SYNRG: variants seen among roughly 807,000 people sequenced by gnomAD.
SYNRG encodes AP1 gamma subunit binding protein 1.
Under a neutral mutation model 130.9 loss-of-function variants are expected in SYNRG, and 37 were observed. The observed-to-expected ratio is 0.28, with a 90% CI of 0.22 to 0.37. SYNRG has a LOEUF of 0.37. Among genes scored for constraint, SYNRG ranks in the 10% least tolerant of loss-of-function variants. The probability of loss-of-function intolerance (pLI) is 1.00; values close to 1 mark genes in which losing one functional copy is unlikely to be tolerated. For missense variants in SYNRG, 1,338 were observed against 1,588.9 expected (o/e 0.84, Z 2.68); for synonymous variants, 539 against 568.1 (o/e 0.95, Z 0.73).
intron 19 of SYNRG, among the ~76,000 whole-genome samples, chr17:37,522,151 A>ACACACACACACACACACACACG (rs2055164210): frequency 6.6e-6 from 1 of 151,780 alleles, no homozygotes; most frequent in Non-Finnish European, 1.5e-5. Flanking sequence ...ACACACACAC[A>ACACACACACACACACACACACG]CACACAATGG....
intron 11 of SYNRG, among the ~76,000 whole-genome samples, chr17:37,564,405 T>C (rs1450345047): frequency 6.6e-6 from 1 of 152,218 alleles, no homozygotes; most frequent in East Asian, 1.9e-4. Context: ...GTAATTCTCA[T>C]CATCTCACAG....
At chr17:37,552,506 A>C (rs1179392109) in intron 14 of SYNRG, among the ~76,000 whole-genome samples, 1 of 152,212 alleles carries the variant, frequency 6.6e-6, no homozygotes, top group African/African-American at 2.4e-5. Context: ...GTTAACACTG[A>C]AAACAGCTCC....
At chr17:37,607,779 A>T (rs1219789759) in intron 1 of SYNRG, among the ~76,000 whole-genome samples, 1 of 151,758 alleles carries the variant, frequency 6.6e-6, no homozygotes, top group Non-Finnish European at 1.5e-5. Context: ...ACAGAACGAG[A>T]CTCTGTCTCA....
Position 37,553,884 on chromosome 17 carries a change from G to C in SYNRG, c.1839C>G (p.Asn613Lys). The C allele has an allele frequency of 6.2e-7, 1 of 1,607,674 alleles. No individual in the cohort carries two copies. Among genetic ancestry groups the C allele is most frequent in the East Asian group, 2.2e-5 (1 of 44,878 alleles). ...KQQTQVKNPL[N>K]LADLDMFSSV... is the part of the protein sequence containing the mutation. Reference sequence around the variant, plus strand: ...AGGAAAACATATCTAGGTCTGCTAAGTTCAGAGGGTTTTTCACTTGTGTTT... The same window carrying C: ...AGGAAAACATATCTAGGTCTGCTAACTTCAGAGGGTTTTTCACTTGTGTTT... Residue 613 changes from asparagine to lysine, a missense_variant, in exon 14 of 22, where the codon AAC (asparagine) becomes AAG (lysine). By Grantham distance (94) the Asn-to-Lys change is moderately conservative (BLOSUM62 0). This residue lies in a region of SYNRG where 1,146 missense variants were observed against 1,342.3 expected (regional missense o/e 0.85). Coordinates refer to ENST00000612223, the MANE Select transcript of SYNRG (RefSeq NM_007247.6).
chr17:37,575,212 T>C (rs576139577), intron 8 of SYNRG, among the ~76,000 whole-genome samples: 6 of 152,022 alleles, frequency 3.9e-5, no homozygotes, highest in Middle Eastern at 3.4e-3. Context: ...TATAGTTGGA[T>C]AGGAGGAATA....
chr17:37,574,776 A>G (rs894052282), intron 8 of SYNRG, among the ~76,000 whole-genome samples: 27 of 152,108 alleles, frequency 1.8e-4, no homozygotes, highest in Admixed American at 5.9e-4. Context: ...GGATGTGGAG[A>G]AAAGGGAACC....
intron 14 of SYNRG, among the ~76,000 whole-genome samples, chr17:37,549,194 T>G (rs2058526130): frequency 6.6e-6 from 1 of 150,894 alleles, no homozygotes; most frequent in African/African-American, 2.4e-5. Context: ...CCTCAAATTC[T>G]AAAAAAGAAC....
At chr17:37,538,808 T>C (rs188068122) in intron 17 of SYNRG, among the ~76,000 whole-genome samples, 2,120 of 152,360 alleles carry the variant, frequency 0.014, 47 homozygotes, top group African/African-American at 0.048. Flanking sequence ...TTGGTCAGGC[T>C]GGTCTCAAAC....
chr17:37,608,008 T>C (rs1384459066), intron 1 of SYNRG, among the ~76,000 whole-genome samples: 2 of 90,122 alleles, frequency 2.2e-5, no homozygotes, highest in Non-Finnish European at 5.1e-5. Flanking sequence ...AAAAAACAAA[T>C]AGAAGGGAAT....
At chr17:37,548,569 C>T (rs567795344) in intron 14 of SYNRG, among the ~76,000 whole-genome samples, 1 of 152,090 alleles carries the variant, frequency 6.6e-6, no homozygotes, top group Non-Finnish European at 1.5e-5. Flanking sequence ...TGTAATCCCA[C>T]TACTTTGGGA....
At chr17:37,560,843 T>C (rs1485516363) in intron 13 of SYNRG, among the ~76,000 whole-genome samples, 1 of 151,600 alleles carries the variant, frequency 6.6e-6, no homozygotes, top group Non-Finnish European at 1.5e-5. Flanking sequence ...TTTCATATTT[T>C]TAGTAAAGAC....
chr17:37,573,334 C>T (rs1386207377), intron 8 of SYNRG, among the ~76,000 whole-genome samples: 4 of 152,222 alleles, frequency 2.6e-5, no homozygotes, highest in Admixed American at 2.6e-4. Context: ...ACCCAGGAGG[C>T]AGAGGTTGCA....
At chr17:37,593,184 G>A (rs1385935606) in intron 3 of SYNRG, among the ~76,000 whole-genome samples, 1 of 152,046 alleles carries the variant, frequency 6.6e-6, no homozygotes, top group Non-Finnish European at 1.5e-5. Flanking sequence ...AGGCCAAAGC[G>A]GGTGGATCAC....
chr17:37,608,636 T>A (rs193013057), intron 1 of SYNRG, among the ~76,000 whole-genome samples: 9 of 152,332 alleles, frequency 5.9e-5, no homozygotes, highest in African/African-American at 1.9e-4. Context: ...CAGTGCACTT[T>A]CTTTGTTTTT....
At chr17:37,598,642 T>G (rs1361231631) in intron 2 of SYNRG, among the ~76,000 whole-genome samples, 1 of 152,198 alleles carries the variant, frequency 6.6e-6, no homozygotes, top group South Asian at 2.1e-4. Flanking sequence ...TTCTTACATA[T>G]GTTTTCAGAA....
chr17:37,538,345 G>C lies in SYNRG; in HGVS notation c.3496C>G (p.Gln1166Glu), dbSNP rs570569280. The C allele has an allele frequency of 2.1e-5, 34 of 1,609,334 alleles. No individual in the cohort carries two copies. The South Asian group carries it at 3.7e-4, about 17-fold the overall frequency. ...SVCTEVIQSA[Q>E]GMEYLLGVVE... ...ATACCTAATAAATATTCCATGCCTTGAGCTGACTGAATTACTTCTGTGCAA... is the reference window on the plus strand; with the variant it reads ...ATACCTAATAAATATTCCATGCCTTCAGCTGACTGAATTACTTCTGTGCAA... The change falls in exon 18 of 22, where the codon CAA becomes GAA. Residue 1166 changes from glutamine to glutamate, a missense_variant. By Grantham distance (29) the Gln-to-Glu change is conservative. Coordinates refer to ENST00000612223, the MANE Select transcript of SYNRG (RefSeq NM_007247.6).
intron 19 of SYNRG, among the ~76,000 whole-genome samples, chr17:37,525,837 T>A (rs9709294): frequency 0.016 from 2,424 of 152,198 alleles, 54 homozygotes; most frequent in African/African-American, 0.052. Flanking sequence ...GTGGTGGCGC[T>A]TGCCTGTAAT....
chr17:37,527,878 T>C (rs1568270009), intron 19 of SYNRG, among the ~76,000 whole-genome samples: 1 of 152,120 alleles, frequency 6.6e-6, no homozygotes, highest in Non-Finnish European at 1.5e-5. Context: ...GGAGCCACAA[T>C]TTGGAGTTTA....
In SYNRG at chr17:37,518,485, T is replaced by C. The variant is rs2054593881; in HGVS notation, c.*455A>G. On this transcript the variant is annotated 3_prime_UTR_variant, in exon 22 of 22. Coordinates refer to ENST00000612223, the MANE Select transcript of SYNRG (RefSeq NM_007247.6). The stretch of plus-strand genomic sequence containing the variant: ...GTTTAATCGCAATTTCCTCTTTTTA[T>C]TCATTTCAGACATTAACAAACTAAA... 6.4e-6 allele frequency: 1 copy of C among 155,852 alleles called. No individual in the cohort carries two copies. The highest frequency in any genetic ancestry group is 6.4e-5 in the Admixed American group (1 of 15,702). The allele number at this position is 155,852 out of a possible 1,614,324, so 9.7% of individuals were successfully genotyped here. A position where few individuals can be genotyped will look rare whatever the true frequency, so the allele number is the denominator to read the frequency against.
Sources: gnomAD v4.1 joint callset for allele counts (sites outside exome capture counted in the v4.1 genomes callset) on GRCh38, gnomAD v4.1.1 for gene constraint, gnomAD v4.1.1 regional missense constraint, MANE v1.5 for transcripts, NCBI Gene and HGNC (gene_info 2026-07-23, HGNC 2026-07-21) for gene names.